SRGAP3: variants seen among roughly 807,000 people sequenced by gnomAD.
SRGAP3 encodes SLIT-ROBO Rho GTPase-activating protein 3.
Under a neutral mutation model 121.1 loss-of-function variants are expected in SRGAP3, and 39 were observed. The observed-to-expected ratio is 0.32, with a 90% confidence interval of 0.25 to 0.42. The LOEUF (loss-of-function observed/expected upper bound fraction) is 0.42, where lower values mean the gene tolerates loss of function less well. Among genes scored for constraint, SRGAP3 ranks in the 10% least tolerant of loss-of-function variants. The probability of loss-of-function intolerance (pLI) is 1.00; values close to 1 mark genes in which losing one functional copy is unlikely to be tolerated. For missense variants in SRGAP3, 1,213 were observed against 1,470.6 expected (o/e 0.82, Z 2.86); for synonymous variants, 601 against 570.0 (o/e 1.05, Z -0.77).
intron 10 of SRGAP3, among the ~76,000 whole-genome samples, chr3:9,038,427 C>G (rs189738706): frequency 6.6e-6 from 1 of 152,340 alleles, no homozygotes; most frequent in Non-Finnish European, 1.5e-5. Flanking sequence ...TCTTCTGAAT[C>G]AGAATCTCTG....
chr3:9,042,996 T>A (rs948445777), intron 10 of SRGAP3, among the ~76,000 whole-genome samples: 2 of 152,208 alleles, frequency 1.3e-5, no homozygotes, highest in Admixed American at 6.5e-5. Context: ...TGTCTTCTCA[T>A]CCTTTAGTTT....
At chr3:9,064,609 G>T (rs750196534) in intron 4 of SRGAP3, 28 bp from the exon 5 acceptor site, 2 of 1,613,362 alleles carry the variant, frequency 1.2e-6, no homozygotes, top group Non-Finnish European at 1.7e-6. Context: ...GGGGAAATCA[G>T]CAGCCAGCTA....
At chr3:9,132,428 A>G (rs1235566791) in intron 1 of SRGAP3, among the ~76,000 whole-genome samples, 3 of 151,854 alleles carry the variant, frequency 2.0e-5, no homozygotes, top group Admixed American at 6.6e-5. Flanking sequence ...CCTCTCACTT[A>G]CCCCAACCCT....
intron 1 of SRGAP3, among the ~76,000 whole-genome samples, chr3:9,180,697 C>T (rs997378176): frequency 6.6e-6 from 1 of 152,220 alleles, no homozygotes; most frequent in Non-Finnish European, 1.5e-5. Context: ...TCATCTGCTC[C>T]GCGAATCTGT....
intron 3 of SRGAP3, among the ~76,000 whole-genome samples, chr3:9,309,910 A>C (rs2125277938): frequency 6.6e-6 from 1 of 152,268 alleles, no homozygotes; most frequent in South Asian, 2.1e-4. Context: ...ATGATCATTC[A>C]CTTATTCATG....
intron 9 of SRGAP3, among the ~76,000 whole-genome samples, chr3:9,051,698 T>G: frequency 6.7e-6 from 1 of 148,306 alleles, no homozygotes; most frequent in African/African-American, 2.5e-5. Flanking sequence ...GGGGTGAAAA[T>G]TTTGCTCAAT....
chr3:9,303,918 T>G (rs982979237), intron 3 of SRGAP3, among the ~76,000 whole-genome samples: 11 of 152,176 alleles, frequency 7.2e-5, no homozygotes, highest in African/African-American at 2.7e-4. Flanking sequence ...ACAAGGTGTT[T>G]GGGGTCCCCA....
intron 1 of SRGAP3, among the ~76,000 whole-genome samples, chr3:9,167,383 A>G (rs775413836): frequency 6.6e-6 from 1 of 151,986 alleles, no homozygotes; most frequent in Non-Finnish European, 1.5e-5. Flanking sequence ...GTACTTACAC[A>G]TTTGACATTT....
chr3:9,062,397 G>C, intron 5 of SRGAP3, among the ~76,000 whole-genome samples: 1 of 95,210 alleles, frequency 1.1e-5, no homozygotes, highest in South Asian at 3.7e-4. Context: ...ATCATTCCCT[G>C]CTTGGTTATT....
At chr3:9,238,366 GAA>G (rs1290290095) in intron 1 of SRGAP3, among the ~76,000 whole-genome samples, 2 of 152,154 alleles carry the variant, frequency 1.3e-5, no homozygotes, top group African/African-American at 4.8e-5. Context: ...GGATAATGCA[GAA>G]AAAGAGTCAA....
At position 8,983,471 on chromosome 3, in the gene SRGAP3, G is replaced by C. The variant is rs73810776; in HGVS notation, c.*2048C>G. 5.4e-3 allele frequency: 1,235 copies of C among 229,614 alleles called. 14 individuals carry two copies. Among genetic ancestry groups the C allele is most frequent in the African/African-American group, 0.025 (1,122 of 45,170 alleles). 14.2% of individuals were successfully genotyped at this position (229,614 alleles called of 1,614,324 possible). A position where few individuals can be genotyped will look rare whatever the true frequency, so the allele number is the denominator to read the frequency against. Reference sequence around the variant, plus strand: ...TGGCTTTACCCTCCTAACTTATCTAGGTGCCAGTGACTTAACTAGGTCCCT... The same window carrying C: ...TGGCTTTACCCTCCTAACTTATCTACGTGCCAGTGACTTAACTAGGTCCCT... On this transcript the variant is annotated 3_prime_UTR_variant, in exon 22 of 22. Transcript: ENST00000383836.
At position 9,015,682 on chromosome 3, in the gene SRGAP3, G is replaced by A. The variant is rs143159532; in HGVS notation, c.1728C>T (p.Val576=). 48 of 1,613,736 alleles carry A rather than the reference G, an allele frequency of 3.0e-5. No homozygotes were observed. The highest frequency in any genetic ancestry group is 5.3e-5 in the African/African-American group (4 of 74,806). Residue 576 remains valine, a synonymous_variant, in exon 15 of 22, where the codon GTC becomes GTT. Coordinates refer to ENST00000383836, the MANE Select transcript of SRGAP3 (RefSeq NM_014850.4). The part of the protein sequence containing the change: ...DDQNERDINS[V]AGVLKLYFRG... ...GGAAATACAGTTTTAAAACACCAGC[G>A]ACTGAATTGATATCTCGTTCATTTT...
At chr3:9,273,290 CAG>C (rs1954514662) in intron 3 of SRGAP3, among the ~76,000 whole-genome samples, 1 of 152,200 alleles carries the variant, frequency 6.6e-6, no homozygotes, top group African/African-American at 2.4e-5. Context: ...CAGTTCCTAA[CAG>C]GGGTTAGAGA....
chr3:9,086,517 CAA>C (rs1242587521), intron 3 of SRGAP3, among the ~76,000 whole-genome samples: 2,253 of 87,106 alleles, frequency 0.026, 50 homozygotes, highest in African/African-American at 0.08. Context: ...GAGACTGTTT[CAA>C]AAAAAAAAAA....
At chr3:9,182,544 T>C (rs1010405315) in intron 1 of SRGAP3, among the ~76,000 whole-genome samples, 1 of 152,176 alleles carries the variant, frequency 6.6e-6, no homozygotes, top group African/African-American at 2.4e-5. Context: ...TCCAAAACCA[T>C]GAGACAATAC....
In SRGAP3 at chr3:9,204,356, G is replaced by A. The variant is rs140341973; in HGVS notation, c.67+44529C>T. On this transcript the variant is annotated intron_variant, in intron 1 of 21. Coordinates refer to ENST00000383836, the MANE Select transcript of SRGAP3 (RefSeq NM_014850.4). ...CGTTGACAGAGCATGAAGAGAGTTC[G>A]GAGGTCACCAGGCCACTCCCCAGGC... is the stretch of plus-strand genomic sequence containing the variant. Among the ~76,000 whole-genome samples, 879 of 152,258 alleles carry A rather than the reference G, an allele frequency of 5.8e-3. 7 individuals carry two copies. Among genetic ancestry groups the A allele is most frequent in the Middle Eastern group, 0.017 (5 of 294 alleles).
intron 1 of SRGAP3, among the ~76,000 whole-genome samples, chr3:9,177,908 TG>T (rs1480894712): frequency 6.6e-6 from 1 of 152,170 alleles, no homozygotes; most frequent in East Asian, 1.9e-4. Context: ...AGCAAGCACC[TG>T]CCCCAGGACC....
chr3:9,057,547 T>A (rs1171884202), intron 7 of SRGAP3, among the ~76,000 whole-genome samples: 2 of 151,946 alleles, frequency 1.3e-5, no homozygotes, highest in African/African-American at 4.8e-5. Context: ...TCCTTGCCCC[T>A]CCCCTCCCAG....
intron 9 of SRGAP3, among the ~76,000 whole-genome samples, chr3:9,048,637 A>G (rs758365202): frequency 6.6e-6 from 1 of 152,160 alleles, no homozygotes; most frequent in Non-Finnish European, 1.5e-5. Context: ...CCTGGGCAAC[A>G]TAGCAAGACC....
Sources: allele counts gnomAD v4.1 joint callset (sites outside exome capture counted in the v4.1 genomes callset), GRCh38; gene constraint gnomAD v4.1.1; transcripts MANE v1.5; gene names NCBI Gene and HGNC (gene_info 2026-07-23, HGNC 2026-07-21).